ATXN8OS: variants seen among roughly 807,000 people sequenced by gnomAD.
ATXN8OS encodes the protein ATXN8 opposite strand (non-protein coding).
At chr13:70,167,739 T>TTTC (rs67225755) in intron 4 of ATXN8OS, among the ~76,000 whole-genome samples, 50,762 of 111,112 alleles carry the variant, frequency 0.46, 15,562 homozygotes, top group Non-Finnish European at 0.62. Context: ...TTTTTTTTTT[T>TTTC]TTTTTTTTTT....
chr13:70,147,091 A>T (rs886289990), intron 3 of ATXN8OS, among the ~76,000 whole-genome samples: 5 of 152,138 alleles, frequency 3.3e-5, no homozygotes, highest in African/African-American at 1.2e-4. Flanking sequence ...AAAAGCTACA[A>T]GTGGATTCCA....
At chr13:70,111,783 T>C (rs368458070) in intron 1 of ATXN8OS, among the ~76,000 whole-genome samples, 14 of 152,312 alleles carry the variant, frequency 9.2e-5, no homozygotes, top group African/African-American at 3.4e-4. Context: ...CCTTCTGCAA[T>C]GCCTAGAAAT....
chr13:70,110,887 G>T (rs1408245802), intron 1 of ATXN8OS, among the ~76,000 whole-genome samples: 1 of 152,100 alleles, frequency 6.6e-6, no homozygotes, highest in Non-Finnish European at 1.5e-5. Flanking sequence ...TAAGATTTAA[G>T]ATAACCAAGC....
chr13:70,129,140 G>A (rs975549670), intron 2 of ATXN8OS, among the ~76,000 whole-genome samples: 5 of 152,064 alleles, frequency 3.3e-5, no homozygotes, highest in East Asian at 1.9e-4. Flanking sequence ...GAGTACAGGC[G>A]TGAGCCACCA....
At chr13:70,144,501 T>C (rs1030527259) in intron 3 of ATXN8OS, among the ~76,000 whole-genome samples, 15 of 152,282 alleles carry the variant, frequency 9.9e-5, no homozygotes, top group Admixed American at 3.3e-4. Flanking sequence ...CAATATGTAA[T>C]ATTCCACTGA....
chr13:70,111,002 A>T (rs1292318453), intron 1 of ATXN8OS, among the ~76,000 whole-genome samples: 1 of 152,218 alleles, frequency 6.6e-6, no homozygotes, highest in African/African-American at 2.4e-5. Flanking sequence ...AACACTATTG[A>T]ATTAAATTGA....
chr13:70,117,522 G>A (rs1361213105), intron 2 of ATXN8OS, among the ~76,000 whole-genome samples: 2 of 152,060 alleles, frequency 1.3e-5, no homozygotes, highest in African/African-American at 4.8e-5. Context: ...TTTGCATAAA[G>A]CATTTAAATT....
At chr13:70,169,749 A>T (rs1016570234) in intron 4 of ATXN8OS, among the ~76,000 whole-genome samples, 3 of 152,080 alleles carry the variant, frequency 2.0e-5, no homozygotes, top group African/African-American at 7.2e-5. Flanking sequence ...TCCTTCTGTG[A>T]TAGGACAATG....
At chr13:70,142,622 A>C (rs1006175850) in intron 3 of ATXN8OS, among the ~76,000 whole-genome samples, 1 of 152,218 alleles carries the variant, frequency 6.6e-6, no homozygotes, top group South Asian at 2.1e-4. Context: ...TGTTGTAATC[A>C]CCATTAGACA....
intron 4 of ATXN8OS, among the ~76,000 whole-genome samples, chr13:70,157,994 T>C (rs553570641): frequency 2.0e-4 from 31 of 152,308 alleles, no homozygotes; most frequent in African/African-American, 6.7e-4. Flanking sequence ...GTAAGCAAAA[T>C]GTGCATTAAT....
At chr13:70,165,975 T>G (rs1019621189) in intron 4 of ATXN8OS, among the ~76,000 whole-genome samples, 1 of 152,056 alleles carries the variant, frequency 6.6e-6, no homozygotes, top group Non-Finnish European at 1.5e-5. Flanking sequence ...AATACTTCCT[T>G]AACACATTTT....
At chr13:70,147,531 C>T (rs1214545518) in intron 4 of ATXN8OS, among the ~76,000 whole-genome samples, 4 of 152,088 alleles carry the variant, frequency 2.6e-5, no homozygotes, top group Admixed American at 2.6e-4. Flanking sequence ...ATTGAGCCCG[C>T]TGACATTCTA....
chr13:70,166,554 TA>T (rs1175417393), intron 4 of ATXN8OS, among the ~76,000 whole-genome samples: 2 of 151,936 alleles, frequency 1.3e-5, no homozygotes, highest in Admixed American at 1.3e-4. Flanking sequence ...CCTAAAACCA[TA>T]AAAACCCTAG....
chr13:70,164,514 C>G (rs964547526), intron 4 of ATXN8OS, among the ~76,000 whole-genome samples: 2 of 151,816 alleles, frequency 1.3e-5, no homozygotes, highest in African/African-American at 4.8e-5. Context: ...CAAAAATATA[C>G]AAATATAAGG....
At chr13:70,171,683 A>T (rs1337394818) in exon 5 of ATXN8OS, among the ~76,000 whole-genome samples, 1 of 152,128 alleles carries the variant, frequency 6.6e-6, no homozygotes. Context: ...ATTATTTATT[A>T]ACTTTCATTG....
intron 3 of ATXN8OS, chr13:70,130,946 AT>A (rs918670834): frequency 2.5e-6 from 1 of 398,480 alleles, no homozygotes; most frequent in African/African-American, 2.1e-5. Context: ...ATAAAGGAAG[AT>A]GACGTATTTT....
intron 3 of ATXN8OS, among the ~76,000 whole-genome samples, chr13:70,145,528 G>A (rs1317704226): frequency 6.6e-6 from 1 of 151,802 alleles, no homozygotes; most frequent in Admixed American, 6.6e-5. Flanking sequence ...TTATTTCATT[G>A]AGCAGTGGTT....
chr13:70,137,616 C>G (rs982676408), intron 3 of ATXN8OS, among the ~76,000 whole-genome samples: 1 of 152,086 alleles, frequency 6.6e-6, no homozygotes, highest in Non-Finnish European at 1.5e-5. Context: ...AAATGCATCT[C>G]TAATTCCAAA....
chr13:70,161,414 A>T (rs925010942), intron 4 of ATXN8OS, among the ~76,000 whole-genome samples: 1 of 152,050 alleles, frequency 6.6e-6, no homozygotes, highest in Non-Finnish European at 1.5e-5. Context: ...AGATGTCAGG[A>T]CTTGCTTTTT....
Sources: allele counts gnomAD v4.1 joint callset (sites outside exome capture counted in the v4.1 genomes callset), GRCh38; gene constraint gnomAD v4.1.1; transcripts MANE v1.5; gene names NCBI Gene and HGNC (gene_info 2026-07-23, HGNC 2026-07-21).